The following SHC3 variants were observed in gnomAD, a reference collection of about 807,000 sequenced individuals.
The protein encoded by SHC3 is SHC-transforming protein 3.
SHC3 carries 15 observed loss-of-function variants against 60.4 expected under a neutral mutation model. The ratio of observed to expected loss-of-function variants is 0.25; its 90% CI spans 0.17 to 0.38. SHC3 has a LOEUF of 0.38. SHC3 is among the 10% of genes least tolerant of loss of function. The pLI is 1.00. For synonymous variants in SHC3, 294 were observed against 325.9 expected, an observed-to-expected ratio of 0.90 and a Z score of 1.05; for missense variants, 677 against 786.1, an observed-to-expected ratio of 0.86 and a Z score of 1.66.
In SHC3 at chr9:89,100,080, T is replaced by G. The variant is rs1008858953; in HGVS notation, c.545+12476A>C. Among the ~76,000 whole-genome samples, 4 of 152,198 alleles carry G rather than the reference T, an allele frequency of 2.6e-5. No individual in the cohort carries two copies. In the South Asian group the frequency reaches 6.2e-4, roughly 24 times the overall value. On this transcript the variant is annotated intron_variant, in intron 2 of 11. Coordinates refer to ENST00000375835, the MANE Select transcript of SHC3 (RefSeq NM_016848.6). ...CATTAATTGACCCAATAAACGTTAA[T>G]TAAAAGCTCATGAGACATAAGGAAA...
At chr9:89,023,480 C>T (rs1439851392) in intron 11 of SHC3, among the ~76,000 whole-genome samples, 1 of 152,170 alleles carries the variant, frequency 6.6e-6, no homozygotes, top group Non-Finnish European at 1.5e-5. Flanking sequence ...ATTCTGATTT[C>T]CCAAATCTGC....
chr9:89,132,662 G>A (rs1402836164), intron 1 of SHC3, among the ~76,000 whole-genome samples: 1 of 152,158 alleles, frequency 6.6e-6, no homozygotes, highest in African/African-American at 2.4e-5. Flanking sequence ...AATGGGGAAA[G>A]GATTCCCTAT....
chr9:89,106,127 A>C (rs1825856140), intron 2 of SHC3, among the ~76,000 whole-genome samples: 1 of 152,096 alleles, frequency 6.6e-6, no homozygotes, highest in Admixed American at 6.5e-5. Flanking sequence ...TAGAGAGGTC[A>C]ATCTCATTGG....
intron 1 of SHC3, among the ~76,000 whole-genome samples, chr9:89,141,028 A>C (rs1423229348): frequency 1.3e-5 from 2 of 152,236 alleles, no homozygotes; most frequent in African/African-American, 4.8e-5. Flanking sequence ...TTATTACCAG[A>C]CTTTAGCCAG....
At chr9:89,097,142 A>G (rs1825716704) in intron 2 of SHC3, among the ~76,000 whole-genome samples, 1 of 150,602 alleles carries the variant, frequency 6.6e-6, no homozygotes, top group Admixed American at 6.6e-5. Flanking sequence ...AAACAAGGCC[A>G]CAAGCCATCT....
chr9:89,170,537 C>A (rs557558810), intron 1 of SHC3, among the ~76,000 whole-genome samples: 2 of 151,998 alleles, frequency 1.3e-5, no homozygotes, highest in Non-Finnish European at 2.9e-5. Flanking sequence ...CCCAGCTATT[C>A]GGGAGGCTGA....
chr9:89,121,329 T>C (rs1482140842), intron 1 of SHC3, among the ~76,000 whole-genome samples: 1 of 152,140 alleles, frequency 6.6e-6, no homozygotes, highest in East Asian at 1.9e-4. Context: ...TCGCTCTTGT[T>C]GCCCAGGCTG....
intron 11 of SHC3, among the ~76,000 whole-genome samples, chr9:89,017,010 A>G (rs960576014): frequency 2.6e-5 from 4 of 152,210 alleles, no homozygotes; most frequent in Admixed American, 6.5e-5. Context: ...CCCACAAACA[A>G]TGGAAACACA....
intron 1 of SHC3, among the ~76,000 whole-genome samples, chr9:89,142,584 G>C (rs1826409074): frequency 6.6e-6 from 1 of 151,776 alleles, no homozygotes; most frequent in African/African-American, 2.4e-5. Flanking sequence ...TCAGGGCTGA[G>C]GCAGGAGAAT....
intron 1 of SHC3, among the ~76,000 whole-genome samples, chr9:89,145,183 A>G (rs567866010): frequency 6.6e-6 from 1 of 152,350 alleles, no homozygotes; most frequent in East Asian, 1.9e-4. Flanking sequence ...CAACTATATT[A>G]AGGCATCCCT....
At chr9:89,066,527 T>C (rs918479903) in intron 5 of SHC3, among the ~76,000 whole-genome samples, 1 of 152,184 alleles carries the variant, frequency 6.6e-6, no homozygotes, top group Non-Finnish European at 1.5e-5. Context: ...GGCAACCATA[T>C]GCATTTTAAT....
chr9:89,045,623 C>A, intron 9 of SHC3, 123 bp downstream of exon 9: 1 of 825,594 alleles, frequency 1.2e-6, no homozygotes, highest in Non-Finnish European at 1.9e-6. Flanking sequence ...TATAGCAACA[C>A]ACACAGCACA....
chr9:89,072,535 C>T (rs55707420), intron 4 of SHC3, among the ~76,000 whole-genome samples: 1 of 152,042 alleles, frequency 6.6e-6, no homozygotes, highest in Non-Finnish European at 1.5e-5. Context: ...CCAGAGCAGA[C>T]AATCCATGTT....
At chr9:89,170,624 G>A (rs141213375) in intron 1 of SHC3, among the ~76,000 whole-genome samples, 2 of 152,282 alleles carry the variant, frequency 1.3e-5, no homozygotes, top group African/African-American at 4.8e-5. Flanking sequence ...CAGTCTGGGC[G>A]ACAGAGCAAG....
chr9:89,115,410 C>T (rs1826006361), intron 1 of SHC3, among the ~76,000 whole-genome samples: 1 of 152,180 alleles, frequency 6.6e-6, no homozygotes, highest in African/African-American at 2.4e-5. Flanking sequence ...GGGAACACCA[C>T]ATTCACTGTC....
intron 1 of SHC3, among the ~76,000 whole-genome samples, chr9:89,137,043 A>T (rs1276350602): frequency 1.3e-5 from 2 of 152,032 alleles, no homozygotes; most frequent in African/African-American, 4.8e-5. Flanking sequence ...GTGAAGGGGG[A>T]GGTGGATATA....
chr9:89,088,543 C>G (rs1261262470), intron 2 of SHC3: 1 of 152,136 alleles, frequency 6.6e-6, no homozygotes, highest in Non-Finnish European at 1.5e-5. Context: ...AGATGAAAAA[C>G]ACAGAATACA....
chr9:89,122,660 C>T (rs1005654273), intron 1 of SHC3, among the ~76,000 whole-genome samples: 4 of 152,166 alleles, frequency 2.6e-5, no homozygotes, highest in Admixed American at 6.6e-5. Context: ...AAGCAAGTCA[C>T]GGAGTCAGCC....
At chr9:89,064,985 C>T (rs887190748) in intron 6 of SHC3, among the ~76,000 whole-genome samples, 2 of 152,136 alleles carry the variant, frequency 1.3e-5, no homozygotes, top group African/African-American at 4.8e-5. Context: ...CAGGGTAGTG[C>T]ACCTTGGTCA....
Sources: allele counts gnomAD v4.1 joint callset (sites outside exome capture counted in the v4.1 genomes callset), GRCh38; gene constraint gnomAD v4.1.1; transcripts MANE v1.5; gene names NCBI Gene and HGNC (gene_info 2026-07-23, HGNC 2026-07-21).